The following CNTNAP2 variants were observed in gnomAD, a reference collection of about 807,000 sequenced individuals.
The protein encoded by CNTNAP2 is contactin associated protein 2, also known as contactin-associated protein-like 2.
In CNTNAP2, 98 loss-of-function variants were observed where a neutral mutation model predicts 155.2. The ratio of observed to expected loss-of-function variants is 0.63; its 90% CI spans 0.54 to 0.75. The LOEUF is 0.75. Ranked by LOEUF, CNTNAP2 falls within the 30% of genes least tolerant of loss-of-function variation. The pLI, the probability that CNTNAP2 is intolerant of heterozygous loss-of-function variation, is 0.00. For missense variants in CNTNAP2, 1,727 were observed against 1,688.1 expected (o/e 1.02, Z -0.40); for synonymous variants, 651 against 631.2 (o/e 1.03, Z -0.47).
intron 1 of CNTNAP2, among the ~76,000 whole-genome samples, chr7:146,293,357 A>G (rs73459966): frequency 0.086 from 13,081 of 152,176 alleles, 1,580 homozygotes; most frequent in African/African-American, 0.27. Context: ...ATCTTTTATC[A>G]TTTAATAAAA....
At chr7:146,392,407 G>A (rs961052320) in intron 1 of CNTNAP2, among the ~76,000 whole-genome samples, 1 of 152,040 alleles carries the variant, frequency 6.6e-6, no homozygotes, top group African/African-American at 2.4e-5. Flanking sequence ...TTATAATGAT[G>A]TAAAGGATAA....
chr7:148,083,210 G>A (rs1803650119), intron 15 of CNTNAP2, among the ~76,000 whole-genome samples: 2 of 152,114 alleles, frequency 1.3e-5, no homozygotes, highest in Non-Finnish European at 2.9e-5. Flanking sequence ...GAAAGCAGAA[G>A]GAAAGCAACA....
At chr7:146,489,969 G>T (rs1203487620) in intron 1 of CNTNAP2, among the ~76,000 whole-genome samples, 1 of 152,102 alleles carries the variant, frequency 6.6e-6, no homozygotes, top group East Asian at 1.9e-4. Flanking sequence ...GGAAAGGTAG[G>T]TATATGTAAA....
intron 21 of CNTNAP2, among the ~76,000 whole-genome samples, chr7:148,278,832 A>G (rs1796924437): frequency 6.6e-6 from 1 of 152,244 alleles, no homozygotes; most frequent in Non-Finnish European, 1.5e-5. Context: ...TGGCCAGGAA[A>G]GTCGTCTTTG....
At chr7:146,256,010 A>C (rs898031993) in intron 1 of CNTNAP2, among the ~76,000 whole-genome samples, 3 of 152,218 alleles carry the variant, frequency 2.0e-5, no homozygotes, top group Non-Finnish European at 4.4e-5. Flanking sequence ...TCAGTCATGG[A>C]TGAAAACAAA....
chr7:147,684,732 T>A (rs554950951), intron 13 of CNTNAP2, among the ~76,000 whole-genome samples: 8 of 151,976 alleles, frequency 5.3e-5, no homozygotes, highest in Non-Finnish European at 8.8e-5. Context: ...TTCTATATAA[T>A]CTAGCATTCT....
intron 13 of CNTNAP2, among the ~76,000 whole-genome samples, chr7:147,863,143 A>G (rs1329837977): frequency 6.6e-6 from 1 of 151,932 alleles, no homozygotes. Context: ...AAGTGTTCTC[A>G]TTGTTCATTT....
At chr7:147,189,787 C>A (rs1802642333) in intron 8 of CNTNAP2, among the ~76,000 whole-genome samples, 1 of 152,102 alleles carries the variant, frequency 6.6e-6, no homozygotes, top group Non-Finnish European at 1.5e-5. Context: ...CTCTGTCGCC[C>A]AGGCTGGAGT....
At chr7:147,902,130 C>G (rs1024016445) in intron 13 of CNTNAP2, among the ~76,000 whole-genome samples, 1 of 152,148 alleles carries the variant, frequency 6.6e-6, no homozygotes, top group Non-Finnish European at 1.5e-5. Context: ...TGCGGACTGA[C>G]CGCAACTTGG....
chr7:146,515,260 C>G (rs1366909441), intron 1 of CNTNAP2, among the ~76,000 whole-genome samples: 1 of 152,006 alleles, frequency 6.6e-6, no homozygotes, highest in African/African-American at 2.4e-5. Context: ...TGCATTAAGA[C>G]AAGAATTAAC....
At chr7:148,405,647 C>A (rs560265241) in intron 22 of CNTNAP2, among the ~76,000 whole-genome samples, 3 of 109,258 alleles carry the variant, frequency 2.7e-5, no homozygotes, top group African/African-American at 1.1e-4. Flanking sequence ...GAGACAGTCT[C>A]GCTCTGTCAC....
intron 1 of CNTNAP2, among the ~76,000 whole-genome samples, chr7:146,666,431 G>A (rs918364481): frequency 2.0e-5 from 3 of 152,030 alleles, no homozygotes; most frequent in Non-Finnish European, 2.9e-5. Flanking sequence ...CCGTATCTTG[G>A]CCATTGTGAA....
At chr7:146,169,068 T>C (rs1336992913) in intron 1 of CNTNAP2, among the ~76,000 whole-genome samples, 2 of 152,206 alleles carry the variant, frequency 1.3e-5, no homozygotes, top group Admixed American at 6.5e-5. Context: ...ATATCCTCAT[T>C]AGCAGCACCT....
intron 1 of CNTNAP2, among the ~76,000 whole-genome samples, chr7:146,665,889 T>A (rs1012329843): frequency 4.6e-5 from 7 of 151,706 alleles, no homozygotes; most frequent in African/African-American, 1.7e-4. Flanking sequence ...ATGTATAATA[T>A]GTAAATTATT....
intron 3 of CNTNAP2, among the ~76,000 whole-genome samples, chr7:147,026,311 A>G (rs1348128518): frequency 6.6e-6 from 1 of 152,242 alleles, no homozygotes; most frequent in African/African-American, 2.4e-5. Context: ...AAGAAATGAC[A>G]GTAGAATACT....
chr7:147,205,343 G>A (rs1045518947), intron 8 of CNTNAP2, among the ~76,000 whole-genome samples: 1 of 151,626 alleles, frequency 6.6e-6, no homozygotes, highest in Admixed American at 6.6e-5. Context: ...GGCTATTCTG[G>A]GTATTTTGTG....
At chr7:147,929,092 CAAAAA>C (rs66584239) in intron 14 of CNTNAP2, among the ~76,000 whole-genome samples, 3 of 34,632 alleles carry the variant, frequency 8.7e-5, no homozygotes, top group South Asian at 1.5e-3. Flanking sequence ...AACTCCATCC[CAAAAA>C]AAAAAAAAAA....
At chr7:146,803,001 G>T (rs1299004502) in intron 2 of CNTNAP2, among the ~76,000 whole-genome samples, 1 of 152,086 alleles carries the variant, frequency 6.6e-6, no homozygotes, top group East Asian at 1.9e-4. Flanking sequence ...AAGCAAAAGT[G>T]AAAAATCTGA....
intron 1 of CNTNAP2, among the ~76,000 whole-genome samples, chr7:146,351,369 C>T (rs1035778835): frequency 6.6e-6 from 1 of 151,806 alleles, no homozygotes; most frequent in Non-Finnish European, 1.5e-5. Context: ...ACCAAGTGTA[C>T]ATCAGTCTAA....
Sources: gnomAD v4.1 joint callset for allele counts (sites outside exome capture counted in the v4.1 genomes callset) on GRCh38, gnomAD v4.1.1 for gene constraint, MANE v1.5 for transcripts, NCBI Gene and HGNC (gene_info 2026-07-23, HGNC 2026-07-21) for gene names.